IQGAP2: variants seen among roughly 807,000 people sequenced by gnomAD.
The protein encoded by IQGAP2 is IQ motif containing GTPase activating protein 2.
A neutral mutation model predicts 201.3 loss-of-function variants in IQGAP2; 173 were observed. The observed-to-expected ratio is 0.86, with a 90% confidence interval of 0.76 to 0.98. IQGAP2 has a LOEUF of 0.98. Ranked by LOEUF, IQGAP2 falls within the 50% of genes least tolerant of loss-of-function variation. The pLI is 0.00. For synonymous variants in IQGAP2, 675 were observed against 673.9 expected (o/e 1.00, Z -0.03); for missense variants, 1,687 against 1,864.8 (o/e 0.90, Z 1.76).
At chr5:76,666,270 C>T (rs577441208) in intron 22 of IQGAP2, among the ~76,000 whole-genome samples, 1 of 152,252 alleles carries the variant, frequency 6.6e-6, no homozygotes, top group Non-Finnish European at 1.5e-5. Context: ...CACTGTTTCA[C>T]GCCAGCAAAC....
intron 10 of IQGAP2, among the ~76,000 whole-genome samples, chr5:76,598,248 A>C (rs1747178087): frequency 6.6e-6 from 1 of 152,236 alleles, no homozygotes; most frequent in African/African-American, 2.4e-5. Context: ...AGCTTTGTTA[A>C]GAAAACATTA....
chr5:76,519,403 G>A (rs1182821942), intron 2 of IQGAP2, among the ~76,000 whole-genome samples: 1 of 152,162 alleles, frequency 6.6e-6, no homozygotes, highest in African/African-American at 2.4e-5. Context: ...TTTTATTGCT[G>A]GATAGTATTG....
chr5:76,403,302 C>A lies in IQGAP2; in HGVS notation c.-244C>A. The A allele has an allele frequency of 2.9e-6, 1 of 349,632 alleles. No individual in the cohort carries two copies. The highest frequency in any genetic ancestry group is 2.1e-5 in the African/African-American group (1 of 46,866). The allele number at this position is 349,632 out of a possible 1,614,324, so 21.7% of individuals were successfully genotyped here. A position where few individuals can be genotyped will look rare whatever the true frequency, so the allele number is the denominator to read the frequency against. On this transcript the variant is annotated 5_prime_UTR_variant, in exon 1 of 36. Transcript: ENST00000274364. This position sits in a 1 kb window ranked among gnomAD's most constrained non-coding sequence, Gnocchi z 4.8. ...GAGAAAGGAAACCTGCTGCGGGAGG[C>A]GGCGGCGACCGGCCAGGGAGCGAGG...
intron 11 of IQGAP2, among the ~76,000 whole-genome samples, chr5:76,601,775 C>A (rs10056943): frequency 0.24 from 37,086 of 152,020 alleles, 4,793 homozygotes; most frequent in South Asian, 0.47. Context: ...CAAGGAAAAA[C>A]CAGAGATTTC....
chr5:76,618,607 T>G (rs748342168), intron 13 of IQGAP2: 2 of 1,613,416 alleles, frequency 1.2e-6, no homozygotes, highest in Non-Finnish European at 1.7e-6. Flanking sequence ...ATGGGTAAGG[T>G]TGGCTTTGCC....
At chr5:76,567,452 C>T (rs1744832029) in intron 3 of IQGAP2, among the ~76,000 whole-genome samples, 1 of 152,186 alleles carries the variant, frequency 6.6e-6, no homozygotes, top group Non-Finnish European at 1.5e-5. Flanking sequence ...AATGTAATAA[C>T]AACAGTATCT....
At chr5:76,508,634 G>A (rs183621782) in intron 2 of IQGAP2, among the ~76,000 whole-genome samples, 7 of 151,796 alleles carry the variant, frequency 4.6e-5, no homozygotes, top group African/African-American at 1.7e-4. Flanking sequence ...CTTGAGCCCA[G>A]GTGTTTGAAA....
intron 2 of IQGAP2, among the ~76,000 whole-genome samples, chr5:76,480,263 T>G (rs1755693140): frequency 6.6e-6 from 1 of 152,176 alleles, no homozygotes; most frequent in African/African-American, 2.4e-5. Context: ...ACATACCCTC[T>G]GTTCTGGATG....
chr5:76,635,883 A>G (rs1048169549), intron 15 of IQGAP2, among the ~76,000 whole-genome samples: 7 of 152,056 alleles, frequency 4.6e-5, no homozygotes, highest in African/African-American at 1.7e-4. Flanking sequence ...GGGGAGGGAA[A>G]GGAAGGAAGA....
chr5:76,658,853 TG>T (rs1742997736), intron 21 of IQGAP2, among the ~76,000 whole-genome samples, 186 bp downstream of exon 21: 1 of 152,130 alleles, frequency 6.6e-6, no homozygotes, highest in African/African-American at 2.4e-5. Context: ...CTAGGCTATA[TG>T]GTAAAAAAGC....
chr5:76,435,500 T>C (rs760575025), intron 1 of IQGAP2, among the ~76,000 whole-genome samples: 2 of 152,102 alleles, frequency 1.3e-5, no homozygotes, highest in Non-Finnish European at 2.9e-5. Context: ...GATCACTTGG[T>C]TGAATTTGGC....
chr5:76,683,962 TA>T (rs761855024), intron 30 of IQGAP2, 45 bp downstream of exon 30: 1 of 1,525,630 alleles, frequency 6.6e-7, no homozygotes, highest in South Asian at 1.3e-5. Context: ...ATACACATCT[TA>T]AATGATGCAA....
intron 16 of IQGAP2, among the ~76,000 whole-genome samples, chr5:76,637,497 G>A (rs1205866252): frequency 6.6e-6 from 1 of 152,080 alleles, no homozygotes; most frequent in East Asian, 1.9e-4. Flanking sequence ...ATAATTCCTG[G>A]GTTGTCAATA....
chr5:76,543,681 G>C (rs552739565), intron 2 of IQGAP2, among the ~76,000 whole-genome samples: 1 of 152,176 alleles, frequency 6.6e-6, no homozygotes, highest in South Asian at 2.1e-4. Flanking sequence ...TTCCTGACTG[G>C]GCATAGTAGT....
At chr5:76,431,248 T>C (rs1752352428) in intron 1 of IQGAP2, among the ~76,000 whole-genome samples, 1 of 151,986 alleles carries the variant, frequency 6.6e-6, no homozygotes, top group African/African-American at 2.4e-5. Context: ...TTTCCTATAT[T>C]GCTCTTATGA....
At chr5:76,701,930 G>C (rs1005828961) in intron 34 of IQGAP2, 3 of 152,996 alleles carry the variant, frequency 2.0e-5, no homozygotes, top group African/African-American at 7.2e-5. Flanking sequence ...CCACCTCCCA[G>C]GTTCAAGCGA....
At chr5:76,430,803 GA>G (rs1198756385) in intron 1 of IQGAP2, among the ~76,000 whole-genome samples, 1 of 152,158 alleles carries the variant, frequency 6.6e-6, no homozygotes, top group Non-Finnish European at 1.5e-5. Context: ...GTAAATGGGG[GA>G]AAAAGCATGA....
intron 1 of IQGAP2, among the ~76,000 whole-genome samples, chr5:76,449,827 A>T (rs2150113278): frequency 6.6e-6 from 1 of 152,316 alleles, no homozygotes; most frequent in East Asian, 1.9e-4. Flanking sequence ...GGCATGAGGG[A>T]ATTTACATAC....
In IQGAP2 at chr5:76,697,978, T is replaced by C; in HGVS notation, c.4207-9T>C. On this transcript the variant is annotated splice_polypyrimidine_tract_variant and intron_variant, in intron 32 of 35. Coordinates refer to ENST00000274364, the MANE Select transcript of IQGAP2 (RefSeq NM_006633.5). ...GCTTAAATATGATACCCCTTACTTGTTGTTTTAGGATATTCGAAATCAAAG... is the reference window on the plus strand; with the variant it reads ...GCTTAAATATGATACCCCTTACTTGCTGTTTTAGGATATTCGAAATCAAAG... 6.2e-7 allele frequency: 1 copy of C among 1,604,278 alleles called. No individual in the cohort carries two copies. Among genetic ancestry groups the C allele is most frequent in the Non-Finnish European group, 8.5e-7 (1 of 1,175,912 alleles).
Sources: allele counts gnomAD v4.1 joint callset (sites outside exome capture counted in the v4.1 genomes callset), GRCh38; gene constraint gnomAD v4.1.1; non-coding constraint Gnocchi (gnomAD v3.1); transcripts MANE v1.5; gene names NCBI Gene and HGNC (gene_info 2026-07-23, HGNC 2026-07-21).